TNC: variants seen among roughly 807,000 people sequenced by gnomAD.
TNC encodes tenascin.
In TNC, 109 loss-of-function variants were observed where a neutral mutation model predicts 202.4. The ratio of observed to expected loss-of-function variants is 0.54; its 90% CI spans 0.46 to 0.63. The LOEUF is 0.63. TNC is among the 30% of genes least tolerant of loss of function. The pLI, the probability that TNC is intolerant of heterozygous loss-of-function variation, is 0.00. For synonymous variants in TNC, 1,007 were observed against 1,089.7 expected, an observed-to-expected ratio of 0.92 and a Z score of 1.50; for missense variants, 2,756 against 2,833.3, an observed-to-expected ratio of 0.97 and a Z score of 0.62.
intron 10 of TNC, among the ~76,000 whole-genome samples, chr9:115,065,352 C>T (rs1031200374): frequency 1.3e-5 from 2 of 151,890 alleles, no homozygotes; most frequent in African/African-American, 2.4e-5. Flanking sequence ...GCTGAGATGG[C>T]GCCATTGCAC....
chr9:115,048,380 A>T lies in TNC; in HGVS notation c.4732T>A (p.Ser1578Thr), dbSNP rs1333192986. The T allele has an allele frequency of 6.2e-7, 1 of 1,613,966 alleles. No homozygotes were observed. The highest frequency in any genetic ancestry group is 8.5e-7 in the Non-Finnish European group (1 of 1,179,992). The change falls in exon 16 of 28, where the codon TCA (serine) becomes ACA (threonine). Residue 1578 changes from serine to threonine, a missense_variant. Ser to Thr is a moderately conservative substitution (Grantham distance 58). This residue lies in a region of TNC where 2,559 missense variants were observed against 2,546.0 expected (regional missense o/e 1.01). Transcript: ENST00000350763. ...KLLDPQEFTL[S>T]GTQRKLELRG... ...AGCTCCAGCTTCCTCTGGGTTCCTG[A>T]AAGTGTGAATTCCTGGGGGTCCAGC... is the stretch of plus-strand genomic sequence containing the variant.
In TNC at chr9:115,040,959, A is replaced by G. The variant is rs559074310; in HGVS notation, c.5374T>C (p.Ser1792Pro). The G allele has an allele frequency of 6.2e-7, 1 of 1,613,726 alleles. No homozygotes were observed. Residue 1792 changes from serine (S) to proline (P), a missense_variant, in exon 19 of 28, where the codon TCA (serine) becomes CCA (proline). By Grantham distance (74) the Ser-to-Pro change is moderately conservative (BLOSUM62 -1). Around this residue, in one of 2 missense-constraint regions of TNC, gnomAD observed 2,559 missense variants for 2,546.0 expected, o/e 1.01. Coordinates refer to ENST00000350763, the MANE Select transcript of TNC (RefSeq NM_002160.4). ...AACTCACCTGTGGTGAATGACCCTGAGACAGGTTCACTTTCCTCAAAGCCC... is the reference window on the plus strand; with the variant it reads ...AACTCACCTGTGGTGAATGACCCTGGGACAGGTTCACTTTCCTCAAAGCCC... ...MKGFEESEPV[S>P]GSFTTALDGP...
intron 10 of TNC, among the ~76,000 whole-genome samples, chr9:115,071,613 G>C (rs995027205): frequency 1.4e-4 from 21 of 152,186 alleles, no homozygotes; most frequent in Non-Finnish European, 1.2e-4. Context: ...GCCATCACCA[G>C]AAGGTGGAAT....
chr9:115,029,207 C>T (rs1270468070), intron 25 of TNC, among the ~76,000 whole-genome samples, 153 bp downstream of exon 25: 6 of 152,004 alleles, frequency 3.9e-5, no homozygotes, highest in Non-Finnish European at 7.4e-5. Flanking sequence ...AAATGATAGT[C>T]TTTTTCATTA....
intron 19 of TNC, 75 bp from the exon 20 acceptor site, chr9:115,038,455 C>T (rs1830496145): frequency 1.9e-6 from 3 of 1,558,186 alleles, no homozygotes; most frequent in Admixed American, 3.6e-5. Context: ...GCTGTCCACA[C>T]TGCTTATGGA....
chr9:115,080,286 G>T (rs1564108636), intron 6 of TNC, among the ~76,000 whole-genome samples: 1 of 151,274 alleles, frequency 6.6e-6, no homozygotes, highest in East Asian at 1.9e-4. Context: ...CTAAGCATTT[G>T]CTTTGTCTTT....
chr9:115,094,583 G>A (rs1164747680), intron 1 of TNC, among the ~76,000 whole-genome samples: 1 of 152,158 alleles, frequency 6.6e-6, no homozygotes, highest in Non-Finnish European at 1.5e-5. Context: ...TTCAGAATGA[G>A]CAACTTATTC....
rs561774488 is a variant in TNC, at chr9:115,052,805, A to G, written c.4580-4273T>C. The G allele has an allele frequency of 1.0e-5, 7 of 702,674 alleles. No homozygotes were observed. The Admixed American group carries it at 1.4e-4, about 14-fold the overall frequency. 43.5% of individuals were successfully genotyped at this position (702,674 alleles called of 1,614,324 possible). On this transcript the variant is annotated intron_variant, in intron 15 of 27. Coordinates refer to ENST00000350763, the MANE Select transcript of TNC (RefSeq NM_002160.4). The stretch of plus-strand genomic sequence containing the variant: ...AGCCAAGGTGGTTCCTGCCACACTG[A>G]CGTCATAGCCAGTGTTCTCCACCAA...
Position 115,029,995 on chromosome 9 carries a change from G to C in TNC, c.6072+259C>G, listed in dbSNP as rs13286217. ...GATCAACTGTCATTTATACATCACA[G>C]AGTTGTTTGATGAGGATTGGATGAG... On this transcript the variant is annotated intron_variant, in intron 24 of 27. Coordinates refer to ENST00000350763, the MANE Select transcript of TNC (RefSeq NM_002160.4). Among the ~76,000 whole-genome samples the C allele has an allele frequency of 0.21, 31,209 of 152,192 alleles. 3,660 individuals are homozygous for C. The highest frequency in any genetic ancestry group is 0.28 in the Non-Finnish European group (18,829 of 67,982).
chr9:115,032,711 T>C (rs1268476737), intron 22 of TNC, among the ~76,000 whole-genome samples: 1 of 152,194 alleles, frequency 6.6e-6, no homozygotes, highest in African/African-American at 2.4e-5. Flanking sequence ...ATAGGCATGG[T>C]AGGATTAAAA....
Position 115,021,283 on chromosome 9 carries a change from A to AAAG in TNC, c.6496-17_6496-16insCTT. 2.7e-6 allele frequency: 3 copies of AAAG among 1,102,126 alleles called. No homozygotes were observed. Among genetic ancestry groups the AAAG allele is most frequent in the Admixed American group, 2.3e-5 (1 of 43,068 alleles). The allele number at this position is 1,102,126 out of a possible 1,614,324, so 68.3% of individuals were successfully genotyped here. A position where few individuals can be genotyped will look rare whatever the true frequency, so the allele number is the denominator to read the frequency against. On this transcript the variant is annotated splice_polypyrimidine_tract_variant and intron_variant, in intron 27 of 27. Transcript: ENST00000350763. ...AGTTAACGCCCTGTTAAAAAAAAAAAAGAGAGAGAGAGAGAGAGAGAGAAG... is the reference window on the plus strand; with the variant it reads ...AGTTAACGCCCTGTTAAAAAAAAAAAAAGAGAGAGAGAGAGAGAGAGAGAGAAG...
At chr9:115,114,040 G>A (rs1837272250) in intron 1 of TNC, among the ~76,000 whole-genome samples, 1 of 152,156 alleles carries the variant, frequency 6.6e-6, no homozygotes, top group East Asian at 1.9e-4. Context: ...AGCATGTATA[G>A]CCCCCGAAGG....
At chr9:115,076,925 G>A (rs540396189) in intron 7 of TNC, among the ~76,000 whole-genome samples, 2 of 152,276 alleles carry the variant, frequency 1.3e-5, no homozygotes, top group South Asian at 4.1e-4. Flanking sequence ...TGAGACAAGA[G>A]TCTCGCTCTG....
chr9:115,085,766 T>C, intron 3 of TNC, 98 bp downstream of exon 3: 1 of 1,118,522 alleles, frequency 8.9e-7, no homozygotes, highest in Non-Finnish European at 1.3e-6. Context: ...AGAATCAGTG[T>C]GCATGAATGT....
In TNC at chr9:115,086,707, C is replaced by T. The variant is rs147397103; in HGVS notation, c.1024G>A (p.Gly342Arg). The change falls in exon 3 of 28, where the codon GGG becomes AGG. Residue 342 changes from glycine (G) to arginine (R), a missense_variant. Around this residue, in one of 2 missense-constraint regions of TNC, gnomAD observed 2,559 missense variants for 2,546.0 expected, o/e 1.01. Coordinates refer to ENST00000350763, the MANE Select transcript of TNC (RefSeq NM_002160.4). ...CAGGCATGTGGGCAGGTGGGTTTCCCGCAGTCTTCACCTGTGAAGCCTTCT... is the reference window on the plus strand; with the variant it reads ...CAGGCATGTGGGCAGGTGGGTTTCCTGCAGTCTTCACCTGTGAAGCCTTCT... Reference protein sequence around the residue: ...CEEGFTGEDCGKPTCPHACHT... With the variant: ...CEEGFTGEDCRKPTCPHACHT... The T allele has an allele frequency of 7.4e-6, 12 of 1,613,956 alleles. No individual in the cohort carries two copies. Among genetic ancestry groups the T allele is most frequent in the Admixed American group, 5.0e-5 (3 of 60,006 alleles).
chr9:115,109,932 A>G (rs1429408895), intron 1 of TNC, among the ~76,000 whole-genome samples: 1 of 152,232 alleles, frequency 6.6e-6, no homozygotes, highest in Non-Finnish European at 1.5e-5. Flanking sequence ...ATTAATTGCT[A>G]AAGATTAACT....
rs1360014484 is a variant in TNC, at chr9:115,019,773, A to C, written c.*1384T>G. 1 of 152,244 alleles carries C rather than the reference A, an allele frequency of 6.6e-6. No homozygotes were observed. Among genetic ancestry groups the C allele is most frequent in the Non-Finnish European group, 1.5e-5 (1 of 68,056 alleles). 9.4% of individuals were successfully genotyped at this position (152,244 alleles called of 1,614,324 possible). On this transcript the variant is annotated 3_prime_UTR_variant, in exon 28 of 28. Coordinates refer to ENST00000350763, the MANE Select transcript of TNC (RefSeq NM_002160.4). ...TTCACAAAAATGTTCTGAAATGAGA[A>C]GTATGAGTGTCCCTACTTTACAGAA...
intron 1 of TNC, among the ~76,000 whole-genome samples, chr9:115,097,046 C>T (rs927356496): frequency 5.3e-5 from 8 of 152,338 alleles, no homozygotes; most frequent in African/African-American, 1.7e-4. Flanking sequence ...CACTGCTGTG[C>T]TCCAGAGTTT....
intron 15 of TNC, among the ~76,000 whole-genome samples, chr9:115,053,252 T>C (rs1831845991): frequency 6.6e-6 from 1 of 152,236 alleles, no homozygotes; most frequent in African/African-American, 2.4e-5. Flanking sequence ...AGATCTGTGT[T>C]CTTTTAAAGC....
Sources: gnomAD v4.1 joint callset for allele counts (sites outside exome capture counted in the v4.1 genomes callset) on GRCh38, gnomAD v4.1.1 for gene constraint, gnomAD v4.1.1 regional missense constraint, MANE v1.5 for transcripts, NCBI Gene and HGNC (gene_info 2026-07-23, HGNC 2026-07-21) for gene names.